VPS54: variants seen among roughly 807,000 people sequenced by gnomAD.
VPS54 encodes the protein VPS54 subunit of GARP complex.
In VPS54, 45 loss-of-function variants were observed where a neutral mutation model predicts 121.5. The ratio of observed to expected loss-of-function variants is 0.37; its 90% CI spans 0.29 to 0.47. VPS54 has a LOEUF of 0.47. VPS54 is among the 20% of genes least tolerant of loss of function. The pLI is 0.99. For missense variants in VPS54, 1,090 were observed against 1,131.4 expected (o/e 0.96, Z 0.52); for synonymous variants, 371 against 385.8 (o/e 0.96, Z 0.45).
chr2:63,943,244 T>G (rs1674820225), intron 10 of VPS54, among the ~76,000 whole-genome samples: 1 of 152,184 alleles, frequency 6.6e-6, no homozygotes, highest in South Asian at 2.1e-4. Flanking sequence ...GTAATACAAA[T>G]TCATTCCCTA....
chr2:63,918,216 A>G (rs1486711501), intron 15 of VPS54, among the ~76,000 whole-genome samples: 1 of 152,030 alleles, frequency 6.6e-6, no homozygotes, highest in Non-Finnish European at 1.5e-5. Flanking sequence ...CCTACCATCA[A>G]TATCCTCCAA....
intron 12 of VPS54, among the ~76,000 whole-genome samples, chr2:63,923,977 T>TTTG (rs1283373430): frequency 6.6e-6 from 1 of 152,210 alleles, no homozygotes; most frequent in Non-Finnish European, 1.5e-5. Context: ...TCATTGCCCC[T>TTTG]TTGGGTTGGG....
intron 21 of VPS54, among the ~76,000 whole-genome samples, chr2:63,899,206 G>A (rs1672567257): frequency 1.3e-5 from 2 of 152,048 alleles, no homozygotes; most frequent in Admixed American, 1.3e-4. Flanking sequence ...GCAGAATCTG[G>A]GACTACTGAT....
intron 20 of VPS54, among the ~76,000 whole-genome samples, chr2:63,907,015 C>T (rs1038793415): frequency 2.6e-5 from 4 of 152,036 alleles, no homozygotes; most frequent in Non-Finnish European, 4.4e-5. Context: ...CAAAACCAAA[C>T]AAAAACAGTT....
rs981781859 is a variant in VPS54, at chr2:64,006,866, G to A, written c.-21+12072C>T. Among the ~76,000 whole-genome samples the A allele has an allele frequency of 9.9e-5, 15 of 152,192 alleles. No individual in the cohort carries two copies. In the East Asian group the frequency reaches 1.2e-3, roughly 12 times the overall value. On this transcript the variant is annotated intron_variant, in intron 1 of 22. Transcript: ENST00000272322. ...ACTCCTGACCTCAGGTGATCCACCC[G>A]CCTTGGCCTCCCAAAGTGCTGGGAT...
chr2:63,958,476 G>A (rs1675600976), intron 7 of VPS54, among the ~76,000 whole-genome samples: 1 of 152,106 alleles, frequency 6.6e-6, no homozygotes, highest in Non-Finnish European at 1.5e-5. Context: ...TTAACTACTG[G>A]AAAATTGTGG....
At chr2:63,905,286 C>T (rs907891425) in intron 20 of VPS54, among the ~76,000 whole-genome samples, 5 of 152,146 alleles carry the variant, frequency 3.3e-5, no homozygotes, top group African/African-American at 1.2e-4. Context: ...TGATAAACTT[C>T]TAGCCAGAAA....
intron 7 of VPS54, among the ~76,000 whole-genome samples, chr2:63,956,639 T>C (rs1675507142): frequency 1.3e-5 from 2 of 152,224 alleles, no homozygotes; most frequent in African/African-American, 2.4e-5. Flanking sequence ...ACTGTACTGT[T>C]ACTTAACTTG....
chr2:63,988,623 A>C (rs1226463630), intron 1 of VPS54, among the ~76,000 whole-genome samples: 1 of 152,198 alleles, frequency 6.6e-6, no homozygotes, highest in African/African-American at 2.4e-5. Context: ...ACGGACATTT[A>C]TCACTTCCCC....
chr2:63,973,488 C>A (rs557296999), intron 3 of VPS54, among the ~76,000 whole-genome samples: 1 of 152,212 alleles, frequency 6.6e-6, no homozygotes, highest in Admixed American at 6.5e-5. Context: ...AAGTCCTTTA[C>A]TCATTTTTTA....
intron 21 of VPS54, among the ~76,000 whole-genome samples, chr2:63,898,618 G>A (rs1053059222): frequency 3.3e-5 from 5 of 152,180 alleles, no homozygotes; most frequent in Middle Eastern, 3.4e-3. Context: ...CCATTTCCAC[G>A]CACTCAACCA....
intron 12 of VPS54, among the ~76,000 whole-genome samples, chr2:63,925,614 C>T (rs1412542162): frequency 6.6e-6 from 1 of 152,160 alleles, no homozygotes. Flanking sequence ...AAGTAAAATA[C>T]ATACATACAT....
chr2:63,911,526 G>C (rs547582717), intron 20 of VPS54, among the ~76,000 whole-genome samples: 2 of 152,282 alleles, frequency 1.3e-5, no homozygotes, highest in African/African-American at 4.8e-5. Flanking sequence ...TGATTGAACA[G>C]TGGGGATTTT....
At chr2:63,894,868 CATAA>C (rs1412897005) in intron 22 of VPS54, among the ~76,000 whole-genome samples, 1 of 152,052 alleles carries the variant, frequency 6.6e-6, no homozygotes, top group African/African-American at 2.4e-5. Flanking sequence ...ACATATTTTT[CATAA>C]ATCTAGGTAC....
At chr2:63,893,619 T>A in intron 22 of VPS54, 84 bp from the exon 23 acceptor site, 1 of 1,182,956 alleles carries the variant, frequency 8.5e-7, no homozygotes, top group Non-Finnish European at 1.2e-6. Context: ...CGAGTCAGAG[T>A]CCTATTATCT....
At chr2:63,971,718 G>A (rs1176624287) in intron 4 of VPS54, among the ~76,000 whole-genome samples, 1 of 152,108 alleles carries the variant, frequency 6.6e-6, no homozygotes, top group Admixed American at 6.6e-5. Context: ...TACAATTATT[G>A]GTTTCTTTCT....
Position 63,913,314 on chromosome 2 carries a change from A to C in VPS54, c.2335-4T>G, listed in dbSNP as rs1477393209. The C allele has an allele frequency of 3.1e-6, 5 of 1,606,988 alleles. No individual in the cohort carries two copies. Among genetic ancestry groups the C allele is most frequent in the Middle Eastern group, 1.7e-4 (1 of 6,026 alleles). On this transcript the variant is annotated splice_region_variant and splice_polypyrimidine_tract_variant and intron_variant, in intron 17 of 22. Transcript: ENST00000272322. ...GGCAACTTCTTGAATTGAAGTACTA[A>C]CAAAAGAAGGAGAAAAAAACCCCAA...
chr2:63,904,581 G>A (rs1218412887), intron 20 of VPS54, among the ~76,000 whole-genome samples: 2 of 150,366 alleles, frequency 1.3e-5, no homozygotes, highest in Admixed American at 6.6e-5. Context: ...CACAAAAACA[G>A]ACAAATTTAC....
At chr2:63,917,430 A>C (rs1165819572) in intron 15 of VPS54, among the ~76,000 whole-genome samples, 1 of 152,042 alleles carries the variant, frequency 6.6e-6, no homozygotes, top group Admixed American at 6.6e-5. Flanking sequence ...TTAATTTCTA[A>C]ATTTGATGGA....
Sources: allele counts gnomAD v4.1 joint callset (sites outside exome capture counted in the v4.1 genomes callset), GRCh38; gene constraint gnomAD v4.1.1; transcripts MANE v1.5; gene names NCBI Gene and HGNC (gene_info 2026-07-23, HGNC 2026-07-21).